NLGN1: variants seen among roughly 807,000 people sequenced by gnomAD.
NLGN1 encodes the protein neuroligin-1.
NLGN1 carries 12 observed loss-of-function variants against 65.5 expected under a neutral mutation model. The observed-to-expected ratio is 0.18, with a 90% CI of 0.12 to 0.30. The LOEUF (loss-of-function observed/expected upper bound fraction) is 0.30, where lower values mean the gene tolerates loss of function less well. Among genes scored for constraint, NLGN1 ranks in the 10% least tolerant of loss-of-function variants. The pLI, the probability that NLGN1 is intolerant of heterozygous loss-of-function variation, is 1.00. For synonymous variants in NLGN1, 350 were observed against 359.5 expected (o/e 0.97, Z 0.30); for missense variants, 750 against 1,007.1 (o/e 0.74, Z 3.46).
intron 4 of NLGN1, among the ~76,000 whole-genome samples, chr3:173,868,780 T>A (rs1466510575): frequency 3.3e-5 from 5 of 152,172 alleles, no homozygotes; most frequent in Non-Finnish European, 5.9e-5. Context: ...ATGCAACATC[T>A]GTAATTTTAA....
At chr3:174,156,446 T>C (rs1470860764) in intron 4 of NLGN1, among the ~76,000 whole-genome samples, 1 of 151,808 alleles carries the variant, frequency 6.6e-6, no homozygotes, top group Non-Finnish European at 1.5e-5. Context: ...GAAATGAAAG[T>C]AAGACGATGT....
chr3:173,528,623 CT>C (rs1377063393), intron 2 of NLGN1, among the ~76,000 whole-genome samples: 2 of 152,076 alleles, frequency 1.3e-5, no homozygotes, highest in Non-Finnish European at 2.9e-5. Flanking sequence ...TTCTCCAAGG[CT>C]TTGTTTATTT....
intron 2 of NLGN1, among the ~76,000 whole-genome samples, chr3:173,554,723 A>G (rs1741437223): frequency 6.6e-6 from 1 of 152,188 alleles, no homozygotes; most frequent in Non-Finnish European, 1.5e-5. Context: ...AAAAGCTGCT[A>G]TGAATTTTTA....
chr3:173,878,761 A>AT (rs1732666101), intron 4 of NLGN1, among the ~76,000 whole-genome samples: 1 of 149,212 alleles, frequency 6.7e-6, no homozygotes, highest in Admixed American at 6.6e-5. Flanking sequence ...TGTGTAGGTA[A>AT]TAGGGATATA....
the NLGN1 span, among the ~76,000 whole-genome samples, chr3:174,293,045 C>G: frequency 7.3e-5 from 11 of 151,282 alleles, no homozygotes; most frequent in Non-Finnish European, 1.5e-5. Context: ...AAAAAAAACA[C>G]AGTGAGAAAA....
At chr3:174,234,228 T>G (rs1419856756) in intron 4 of NLGN1, among the ~76,000 whole-genome samples, 2 of 152,092 alleles carry the variant, frequency 1.3e-5, no homozygotes, top group African/African-American at 4.8e-5. Flanking sequence ...AGGGTACACT[T>G]GGAAGCAGGG....
At chr3:173,778,875 G>T (rs911641108) in intron 3 of NLGN1, among the ~76,000 whole-genome samples, 2 of 151,432 alleles carry the variant, frequency 1.3e-5, no homozygotes, top group Non-Finnish European at 3.0e-5. Flanking sequence ...ACAAAAGGTT[G>T]TGATATCATT....
intron 3 of NLGN1, among the ~76,000 whole-genome samples, chr3:173,739,476 T>G (rs1332102704): frequency 1.3e-5 from 2 of 152,094 alleles, no homozygotes; most frequent in Non-Finnish European, 1.5e-5. Context: ...TTGCTTATCT[T>G]GTCAACGGAA....
At chr3:173,677,125 A>T (rs112276193) in intron 3 of NLGN1, among the ~76,000 whole-genome samples, 197 of 152,064 alleles carry the variant, frequency 1.3e-3, no homozygotes, top group African/African-American at 4.6e-3. Flanking sequence ...AAGTGCTTCA[A>T]CAAGGACCAG....
At chr3:174,194,634 CA>C (rs199952308) in intron 4 of NLGN1, among the ~76,000 whole-genome samples, 3 of 148,480 alleles carry the variant, frequency 2.0e-5, no homozygotes, top group African/African-American at 2.5e-5. Flanking sequence ...ATAGTTATCT[CA>C]AAAAAAAGCA....
At chr3:173,735,101 A>G (rs1359162347) in intron 3 of NLGN1, among the ~76,000 whole-genome samples, 1 of 152,098 alleles carries the variant, frequency 6.6e-6, no homozygotes, top group Non-Finnish European at 1.5e-5. Flanking sequence ...AGTTGCCCTT[A>G]TGAGCTCTAT....
chr3:174,030,912 C>G (rs949739109), intron 4 of NLGN1, among the ~76,000 whole-genome samples: 1 of 152,152 alleles, frequency 6.6e-6, no homozygotes, highest in Admixed American at 6.5e-5. Context: ...TTGGTCAAAA[C>G]TCTTTAGATT....
At chr3:173,420,431 T>TA (rs569915654) in intron 1 of NLGN1, among the ~76,000 whole-genome samples, 11 of 152,316 alleles carry the variant, frequency 7.2e-5, no homozygotes, top group South Asian at 2.1e-4. Context: ...GGCTGCAAAG[T>TA]ATTCCATGGT....
At chr3:173,666,386 A>G (rs2149712331) in intron 3 of NLGN1, among the ~76,000 whole-genome samples, 1 of 152,300 alleles carries the variant, frequency 6.6e-6, no homozygotes, top group East Asian at 1.9e-4. Context: ...CCCAAAATGT[A>G]TGTCATTTTA....
chr3:173,436,206 C>T (rs542732649), intron 2 of NLGN1, among the ~76,000 whole-genome samples: 96 of 152,236 alleles, frequency 6.3e-4, no homozygotes, highest in African/African-American at 2.2e-3. Flanking sequence ...TTTAAATGAC[C>T]AGCATTAAAA....
intron 3 of NLGN1, among the ~76,000 whole-genome samples, chr3:173,716,782 T>C (rs1769925793): frequency 6.6e-6 from 1 of 152,180 alleles, no homozygotes. Context: ...GTTGGCCTTT[T>C]AATTAGGATT....
chr3:174,278,930 C>G, exon 6 of NLGN1: 1 of 1,519,828 alleles, frequency 6.6e-7, no homozygotes, highest in Non-Finnish European at 8.8e-7. Flanking sequence ...TTTCAACCTG[C>G]AAAATATGCT....
chr3:173,717,027 T>C (rs1004387768), intron 3 of NLGN1, among the ~76,000 whole-genome samples: 1 of 152,192 alleles, frequency 6.6e-6, no homozygotes. Flanking sequence ...AGTTACTTTT[T>C]ATTAAGTGAC....
At chr3:174,060,665 G>A (rs1737195316) in intron 4 of NLGN1, among the ~76,000 whole-genome samples, 1 of 152,178 alleles carries the variant, frequency 6.6e-6, no homozygotes, top group Admixed American at 6.6e-5. Context: ...ATCATGTGAA[G>A]AGCCATGCTG....
Sources: allele counts gnomAD v4.1 joint callset (sites outside exome capture counted in the v4.1 genomes callset), GRCh38; gene constraint gnomAD v4.1.1; transcripts MANE v1.5; gene names NCBI Gene and HGNC (gene_info 2026-07-23, HGNC 2026-07-21).